The following ZNF704 variants were observed in gnomAD, a reference collection of about 807,000 sequenced individuals.
ZNF704 encodes the protein zinc finger protein 704.
In ZNF704, 10 loss-of-function variants were observed where a neutral mutation model predicts 44.7. The ratio of observed to expected loss-of-function variants is 0.22; its 90% CI spans 0.14 to 0.38. ZNF704 has a LOEUF of 0.38. Among genes scored for constraint, ZNF704 ranks in the 10% least tolerant of loss-of-function variants. ZNF704 has a pLI of 1.00. For synonymous variants in ZNF704, 211 were observed against 207.6 expected, an observed-to-expected ratio of 1.02 and a Z score of -0.14; for missense variants, 390 against 545.5, an observed-to-expected ratio of 0.71 and a Z score of 2.84.
In ZNF704 at chr8:80,640,355, C is replaced by T. The variant is rs1817723422; in HGVS notation, c.*1011G>A. ...GCTGTGCTCTGTTGTCTAAAGCAAA[C>T]CTGCTGGGACAGTTTGGAGTTCTCT... On this transcript the variant is annotated 3_prime_UTR_variant, in exon 9 of 9. Transcript: ENST00000327835. 6.6e-6 allele frequency: 1 copy of T among 152,620 alleles called. No individual in the cohort carries two copies. Among genetic ancestry groups the T allele is most frequent in the Non-Finnish European group, 1.5e-5 (1 of 68,050 alleles). The allele number at this position is 152,620 out of a possible 1,614,324, so 9.5% of individuals were successfully genotyped here.
At chr8:80,778,707 G>C (rs1017236732) in intron 2 of ZNF704, among the ~76,000 whole-genome samples, 1 of 152,152 alleles carries the variant, frequency 6.6e-6, no homozygotes, top group African/African-American at 2.4e-5. Context: ...TCTTTTGCAG[G>C]ATCATGGATG....
intron 1 of ZNF704, among the ~76,000 whole-genome samples, chr8:80,828,934 T>C (rs1274269618): frequency 2.0e-5 from 3 of 152,178 alleles, no homozygotes; most frequent in African/African-American, 7.2e-5. Context: ...AGAGCTCCAT[T>C]CTCATCTTGG....
Position 80,637,040 on chromosome 8 carries a change from A to C in ZNF704, c.*4326T>G, listed in dbSNP as rs1817674187. On this transcript the variant is annotated 3_prime_UTR_variant, in exon 9 of 9. Coordinates refer to ENST00000327835, the MANE Select transcript of ZNF704 (RefSeq NM_001033723.3). ...AGCCTTACGTGAGTCTAGGAATACC[A>C]CCCCCACCCCGTCCCCCTCCCCCAC... 1 of 147,378 alleles carries C rather than the reference A, an allele frequency of 6.8e-6. No individual in the cohort carries two copies. The highest frequency in any genetic ancestry group is 2.2e-4 in the South Asian group (1 of 4,548). 9.1% of individuals were successfully genotyped at this position (147,378 alleles called of 1,614,324 possible).
rs572365298 is a variant in ZNF704 at position 80,860,599 on chromosome 8, T to C, written c.-22+13972A>G. Among the ~76,000 whole-genome samples the C allele has an allele frequency of 1.2e-4, 19 of 152,346 alleles. No homozygotes were observed. The South Asian group carries it at 3.3e-3, about 27-fold the overall frequency. On this transcript the variant is annotated intron_variant, in intron 1 of 8. Coordinates refer to ENST00000327835, the MANE Select transcript of ZNF704 (RefSeq NM_001033723.3). ...ACAAAGGATCTGATTTGTAAGCCTG[T>C]GTGACCCTTTCCACAAGGTGGACAT...
At chr8:80,785,383 C>A (rs1586025916) in intron 2 of ZNF704, among the ~76,000 whole-genome samples, 1 of 152,054 alleles carries the variant, frequency 6.6e-6, no homozygotes, top group African/African-American at 2.4e-5. Flanking sequence ...CTTTTGCATA[C>A]TTTACTCTTT....
chr8:80,764,925 G>T (rs563703367), intron 2 of ZNF704, among the ~76,000 whole-genome samples: 22 of 152,206 alleles, frequency 1.4e-4, no homozygotes, highest in Non-Finnish European at 3.2e-4. Context: ...TCTCCAGGGA[G>T]ATGGAACCAA....
At position 80,665,718 on chromosome 8, in the gene ZNF704, T is replaced by C. The variant is rs200018393; in HGVS notation, c.660-636A>G. ...AAAAATTAAAAAATAATTTAAAAAA[T>C]AGATATTTAATATATCAGGTGTTAC... On this transcript the variant is annotated intron_variant, in intron 5 of 8. Transcript: ENST00000327835. Among the ~76,000 whole-genome samples, 16 of 152,218 alleles carry C rather than the reference T, an allele frequency of 1.1e-4. No individual in the cohort carries two copies. The East Asian group carries it at 1.9e-3, about 18-fold the overall frequency.
intron 6 of ZNF704, among the ~76,000 whole-genome samples, chr8:80,662,549 CACTA>C (rs1262301824): frequency 3.3e-5 from 5 of 152,300 alleles, no homozygotes; most frequent in East Asian, 1.9e-4. Context: ...AAATTTATTA[CACTA>C]ACTAATTCAA....
At position 80,640,696 on chromosome 8, in the gene ZNF704, G is replaced by T. The variant is rs944719949; in HGVS notation, c.*670C>A. On this transcript the variant is annotated 3_prime_UTR_variant, in exon 9 of 9. Transcript: ENST00000327835. ...CTCAGCTTCGGGCTGAAGTCTGCTGGTGATTTCCGTGGACAATCCCTTCTC... is the reference window on the plus strand; with the variant it reads ...CTCAGCTTCGGGCTGAAGTCTGCTGTTGATTTCCGTGGACAATCCCTTCTC... The T allele has an allele frequency of 6.6e-6, 1 of 152,228 alleles. No homozygotes were observed. Among genetic ancestry groups the T allele is most frequent in the Non-Finnish European group, 1.5e-5 (1 of 68,068 alleles). The allele number at this position is 152,228 out of a possible 1,614,324, so 9.4% of individuals were successfully genotyped here.
At chr8:80,797,937 T>C (rs1216729620) in intron 2 of ZNF704, among the ~76,000 whole-genome samples, 1 of 152,190 alleles carries the variant, frequency 6.6e-6, no homozygotes, top group Admixed American at 6.5e-5. Flanking sequence ...TTAAGTCAAT[T>C]TTTCCCTCTC....
chr8:80,660,252 G>A (rs1157414557), intron 6 of ZNF704, among the ~76,000 whole-genome samples: 6 of 152,042 alleles, frequency 3.9e-5, no homozygotes, highest in Admixed American at 3.3e-4. Context: ...CAGGAGGATC[G>A]CTTGAGCCCA....
chr8:80,862,343 C>T (rs73270389), intron 1 of ZNF704, among the ~76,000 whole-genome samples: 2,390 of 151,896 alleles, frequency 0.016, 78 homozygotes, highest in African/African-American at 0.054. Context: ...TTTTTCCAAA[C>T]AACCTTGTGC....
intron 2 of ZNF704, among the ~76,000 whole-genome samples, chr8:80,761,878 T>A (rs1054963759): frequency 6.6e-6 from 1 of 152,226 alleles, no homozygotes; most frequent in Non-Finnish European, 1.5e-5. Context: ...CTGAAATACC[T>A]TGATAGATAA....
intron 2 of ZNF704, among the ~76,000 whole-genome samples, chr8:80,777,208 T>C (rs1471008180): frequency 2.6e-5 from 4 of 152,198 alleles, no homozygotes; most frequent in South Asian, 2.1e-4. Context: ...TTGCTAGTTA[T>C]GCCAGGTCCT....
chr8:80,859,213 G>A (rs1809017551), intron 1 of ZNF704, among the ~76,000 whole-genome samples: 1 of 152,022 alleles, frequency 6.6e-6, no homozygotes, highest in African/African-American at 2.4e-5. Context: ...CTTCATCTCT[G>A]ATCATAGGTT....
intron 1 of ZNF704, among the ~76,000 whole-genome samples, chr8:80,844,224 A>C (rs1425585155): frequency 6.6e-6 from 1 of 152,120 alleles, no homozygotes; most frequent in Non-Finnish European, 1.5e-5. Flanking sequence ...ACTACAACAG[A>C]ATATCAGACT....
intron 2 of ZNF704, among the ~76,000 whole-genome samples, chr8:80,698,865 CT>C (rs1378894141): frequency 6.6e-6 from 1 of 152,296 alleles, no homozygotes; most frequent in Non-Finnish European, 1.5e-5. Context: ...CGCAAGAAGC[CT>C]TTTCCTTCTT....
rs564459816 is a variant in ZNF704 at position 80,636,261 on chromosome 8, G to T, written c.*5105C>A. 1.3e-5 allele frequency: 2 copies of T among 152,242 alleles called. No homozygotes were observed. Among genetic ancestry groups the T allele is most frequent in the South Asian group, 4.1e-4 (2 of 4,826 alleles). 9.4% of individuals were successfully genotyped at this position (152,242 alleles called of 1,614,324 possible). On this transcript the variant is annotated 3_prime_UTR_variant, in exon 9 of 9. Coordinates refer to ENST00000327835, the MANE Select transcript of ZNF704 (RefSeq NM_001033723.3). ...TGTGATTCTCAGACCCACAACAAAA[G>T]TTATAAAACATGAGATTGTCTTCAA...
chr8:80,698,317 C>T (rs956305208), intron 2 of ZNF704, among the ~76,000 whole-genome samples: 1 of 152,120 alleles, frequency 6.6e-6, no homozygotes, highest in African/African-American at 2.4e-5. Flanking sequence ...AACAGGAGAA[C>T]AGGGCTGAGA....
Sources: gnomAD v4.1 joint callset for allele counts (sites outside exome capture counted in the v4.1 genomes callset) on GRCh38, gnomAD v4.1.1 for gene constraint, MANE v1.5 for transcripts, NCBI Gene and HGNC (gene_info 2026-07-23, HGNC 2026-07-21) for gene names.